Variants in CCDC187 observed in about 807,000 individuals in gnomAD.
CCDC187 encodes the protein coiled-coil domain containing 187, also known as coiled-coil domain-containing protein 187.
A neutral mutation model predicts 38.0 loss-of-function variants in CCDC187; 32 were observed. That is an observed-to-expected ratio of 0.84 (90% CI 0.64 to 1.13). The LOEUF (loss-of-function observed/expected upper bound fraction) is 1.13. CCDC187 is among the 50% of genes most tolerant of loss of function. The pLI is 0.00. For missense variants in CCDC187, 707 were observed against 786.8 expected, an observed-to-expected ratio of 0.90 and a Z score of 1.21; for synonymous variants, 333 against 347.9, an observed-to-expected ratio of 0.96 and a Z score of 0.48.
chr9:136,274,321 C>G (rs1830890584), intron 14 of CCDC187, among the ~76,000 whole-genome samples: 1 of 152,246 alleles, frequency 6.6e-6, no homozygotes, highest in Non-Finnish European at 1.5e-5. Context: ...TCGTGTCAGG[C>G]TGGTCCCCCA....
At chr9:136,303,592 C>T (rs1751639502) in intron 1 of CCDC187, 96 bp downstream of exon 1, 1 of 157,656 alleles carries the variant, frequency 6.3e-6, no homozygotes. Flanking sequence ...ACTCTGACCC[C>T]ACGCCCTTGT....
chr9:136,265,968 C>T lies in CCDC187; in HGVS notation c.3723G>A (p.Leu1241=). 1 of 985,524 alleles carries T rather than the reference C, an allele frequency of 1.0e-6. No individual in the cohort carries two copies. The highest frequency in any genetic ancestry group is 1.2e-6 in the Non-Finnish European group (1 of 829,976). 61.0% of individuals were successfully genotyped at this position (985,524 alleles called of 1,614,324 possible). A position where few individuals can be genotyped will look rare whatever the true frequency, so the allele number is the denominator to read the frequency against. Residue 1241 remains leucine (L), a synonymous_variant, in exon 17 of 26, where the codon TTG becomes TTA. Transcript: ENST00000638797. The stretch of plus-strand genomic sequence containing the variant: ...GTGCTGGCCCCACCTGCTCCTTCTC[C>T]AATCTGCTGAGGGCTTGCTGCTGCT... ...VEKQQQALSR[L]EKEQREIQYL...
intron 9 of CCDC187, among the ~76,000 whole-genome samples, chr9:136,284,609 CA>C (rs1434078309): frequency 6.6e-6 from 1 of 151,990 alleles, no homozygotes; most frequent in Non-Finnish European, 1.5e-5. Context: ...CCGCGGGGAC[CA>C]GGAGGGCACT....
In CCDC187 at chr9:136,298,898, C is replaced by T. The variant is rs972691719; in HGVS notation, c.725-1077G>A. ...TGCACAGTGCTATGAATGTGCTCAGCGCCACTGAACTGGGCACTTTAAAAA... is the reference window on the plus strand; with the variant it reads ...TGCACAGTGCTATGAATGTGCTCAGTGCCACTGAACTGGGCACTTTAAAAA... On this transcript the variant is annotated intron_variant, in intron 3 of 25. Transcript: ENST00000638797. Among the ~76,000 whole-genome samples, 46 of 152,324 alleles carry T rather than the reference C, an allele frequency of 3.0e-4. No homozygotes were observed. The East Asian group carries it at 8.1e-3, about 27-fold the overall frequency.
intron 19 of CCDC187, among the ~76,000 whole-genome samples, chr9:136,260,779 G>A (rs1191249461): frequency 6.6e-6 from 1 of 152,216 alleles, no homozygotes; most frequent in Non-Finnish European, 1.5e-5. Context: ...GGTCCAGGGT[G>A]AGCAGGAGGT....
chr9:136,292,059 TCTTC>T (rs1831344934), intron 5 of CCDC187, 98 bp downstream of exon 5: 2 of 398,000 alleles, frequency 5.0e-6, no homozygotes, highest in Non-Finnish European at 8.8e-6. Context: ...CGCCAACACC[TCTTC>T]CTTCCAGGCG....
At chr9:136,278,901 C>T (rs1244027525) in intron 10 of CCDC187, among the ~76,000 whole-genome samples, 1 of 152,290 alleles carries the variant, frequency 6.6e-6, no homozygotes, top group Non-Finnish European at 1.5e-5. Context: ...TTGTACAACT[C>T]AGAATCCGGA....
rs868978398 is a variant in CCDC187, at chr9:136,257,385, A to G, written c.4367-544T>C. Among the ~76,000 whole-genome samples the G allele has an allele frequency of 7.3e-6, 1 of 136,396 alleles. No individual in the cohort carries two copies. Among genetic ancestry groups the G allele is most frequent in the African/African-American group, 2.7e-5 (1 of 37,232 alleles). 89.5% of individuals were successfully genotyped at this position (136,396 alleles called of 152,430 possible). A position where few individuals can be genotyped will look rare whatever the true frequency, so the allele number is the denominator to read the frequency against. On this transcript the variant is annotated intron_variant, in intron 22 of 25. Coordinates refer to ENST00000638797, the MANE Select transcript of CCDC187 (RefSeq NM_001378188.1). The surrounding 1 kb of genome is among the most constrained non-coding windows in gnomAD (Gnocchi z 4.5). ...GACTTTGTCTCAAAATTATAATAAT[A>G]ATAATAATAATAATAATAATAATTT... is the stretch of plus-strand genomic sequence containing the variant.
At position 136,297,762 on chromosome 9, in the gene CCDC187, T is replaced by C. The variant is rs1737486103; in HGVS notation, c.784A>G (p.Lys262Glu). The change falls in exon 4 of 26, where the codon AAG (lysine) becomes GAG (glutamate). Residue 262 changes from lysine to glutamate, a missense_variant. Physicochemically the swap from Lys to Glu is moderately conservative, Grantham distance 56. Coordinates refer to ENST00000638797, the MANE Select transcript of CCDC187 (RefSeq NM_001378188.1). ...SSSCKREKTP[K>E]LPSPRRAAKD... ...GCCGCTCTTCTAGGGGAGGGCAACT[T>C]GGGGGTCTTCTCTCTTTTGCAAGAA... 2 of 376,522 alleles carry C rather than the reference T, an allele frequency of 5.3e-6. No individual in the cohort carries two copies. The highest frequency in any genetic ancestry group is 9.4e-6 in the Non-Finnish European group (2 of 212,694). 23.3% of individuals were successfully genotyped at this position (376,522 alleles called of 1,614,324 possible).
intron 2 of CCDC187, among the ~76,000 whole-genome samples, chr9:136,302,034 AC>A (rs1831698028): frequency 6.6e-6 from 1 of 150,526 alleles, no homozygotes; most frequent in African/African-American, 2.4e-5. Context: ...ACATGGTGAA[AC>A]CCCGTCTCTA....
In CCDC187 at chr9:136,299,665, C is replaced by A. The variant is rs1222315240; in HGVS notation, c.724+555G>T. Among the ~76,000 whole-genome samples the A allele has an allele frequency of 4.6e-5, 7 of 152,320 alleles. No individual in the cohort carries two copies. In the South Asian group the frequency reaches 1.5e-3, roughly 32 times the overall value. ...CTCCAGCCCCCAGAAGCAGCTCCTG[C>A]CCCCTCCATCCTACCCCTTCCATTT... On this transcript the variant is annotated intron_variant, in intron 3 of 25. Transcript: ENST00000638797.
At position 136,258,258 on chromosome 9, in the gene CCDC187, C is replaced by T. The variant is rs1025193826; in HGVS notation, c.4366+674G>A. Reference sequence around the variant, plus strand: ...TGCTTCTGATCTCTTTCCGTCTCAACCCATCTGTCCTGAGGTTTGCTCTCC... The same window carrying T: ...TGCTTCTGATCTCTTTCCGTCTCAATCCATCTGTCCTGAGGTTTGCTCTCC... On this transcript the variant is annotated intron_variant, in intron 22 of 25. Coordinates refer to ENST00000638797, the MANE Select transcript of CCDC187 (RefSeq NM_001378188.1). The surrounding 1 kb of genome is among the most constrained non-coding windows in gnomAD (Gnocchi z 4.3). Among the ~76,000 whole-genome samples the T allele has an allele frequency of 6.6e-6, 1 of 152,208 alleles. No homozygotes were observed. Among genetic ancestry groups the T allele is most frequent in the Non-Finnish European group, 1.5e-5 (1 of 68,024 alleles).
Position 136,256,321 on chromosome 9 carries a change from C to G in CCDC187, c.4506G>C (p.Gln1502His). 4 of 985,266 alleles carry G rather than the reference C, an allele frequency of 4.1e-6. No homozygotes were observed. The highest frequency in any genetic ancestry group is 4.8e-6 in the Non-Finnish European group (4 of 829,728). The allele number at this position is 985,266 out of a possible 1,614,324, so 61.0% of individuals were successfully genotyped here. A position where few individuals can be genotyped will look rare whatever the true frequency, so the allele number is the denominator to read the frequency against. ...CTTCGCTCATGCTGTCCTCAGCCAC[C>G]TGCTGGAGAGACGTTGCAGAAATGA... is the stretch of plus-strand genomic sequence containing the variant. Reference protein sequence around the residue: ...EGPCGPQEASQVAEDSMSEEG... With the variant: ...EGPCGPQEASHVAEDSMSEEG... Residue 1502 changes from glutamine (Q) to histidine (H), a missense_variant and splice_region_variant, in exon 24 of 26, where the codon CAG (glutamine) becomes CAC (histidine). Gln to His is a conservative substitution (Grantham distance 24). Coordinates refer to ENST00000638797, the MANE Select transcript of CCDC187 (RefSeq NM_001378188.1).
intron 8 of CCDC187, 148 bp from the exon 9 acceptor site, chr9:136,285,754 T>C (rs1831163998): frequency 2.5e-6 from 1 of 397,122 alleles, no homozygotes; most frequent in Admixed American, 4.4e-5. Context: ...GCCTCTCTGC[T>C]GGAGGAAGGG....
At position 136,264,011 on chromosome 9, in the gene CCDC187, G is replaced by A. The variant is rs138420680; in HGVS notation, c.3736-213C>T. On this transcript the variant is annotated intron_variant, in intron 17 of 25. Transcript: ENST00000638797. The surrounding 1 kb of genome is among the most constrained non-coding windows in gnomAD (Gnocchi z 4.3). ...TGGGCTTGGTGGAGGAGGCAGCTGC[G>A]GGCGGCAGGAGGGAGGCAGGTACTC... is the stretch of plus-strand genomic sequence containing the variant. 103 of 169,514 alleles carry A rather than the reference G, an allele frequency of 6.1e-4. No individual in the cohort carries two copies. Among genetic ancestry groups the A allele is most frequent in the Middle Eastern group, 3.0e-3 (1 of 334 alleles). The allele number at this position is 169,514 out of a possible 1,614,324, so 10.5% of individuals were successfully genotyped here.
chr9:136,292,914 C>T (rs980848527), intron 4 of CCDC187, among the ~76,000 whole-genome samples: 7 of 152,352 alleles, frequency 4.6e-5, no homozygotes, highest in East Asian at 3.9e-4. Flanking sequence ...CGAGTACAAA[C>T]GAGCCTTCGC....
Position 136,264,800 on chromosome 9 carries a change from G to T in CCDC187, c.3736-1002C>A. Among the ~76,000 whole-genome samples, 1 of 151,930 alleles carries T rather than the reference G, an allele frequency of 6.6e-6. No individual in the cohort carries two copies. The highest frequency in any genetic ancestry group is 1.9e-4 in the East Asian group (1 of 5,182). The stretch of plus-strand genomic sequence containing the variant: ...AAACAAGGTCTCACTCTGTTGCCCA[G>T]GCTGGAGTGCAGTGGTGCAAGCTCA... On this transcript the variant is annotated intron_variant, in intron 17 of 25. Coordinates refer to ENST00000638797, the MANE Select transcript of CCDC187 (RefSeq NM_001378188.1). The surrounding 1 kb of genome is among the most constrained non-coding windows in gnomAD (Gnocchi z 4.3).
chr9:136,272,292 T>C (rs886677073), intron 14 of CCDC187, among the ~76,000 whole-genome samples: 42 of 152,240 alleles, frequency 2.8e-4, no homozygotes, highest in African/African-American at 9.9e-4. Flanking sequence ...ACATATATTA[T>C]TTAAAACTTT....
chr9:136,294,196 G>T lies in CCDC187; in HGVS notation c.833-1901C>A, dbSNP rs1258821459. On this transcript the variant is annotated intron_variant, in intron 4 of 25. Coordinates refer to ENST00000638797, the MANE Select transcript of CCDC187 (RefSeq NM_001378188.1). Reference sequence around the variant, plus strand: ...CGCTCATATACACACGCCCTCACATGTGCTCTCACACACACTCACACGCTC... The same window carrying T: ...CGCTCATATACACACGCCCTCACATTTGCTCTCACACACACTCACACGCTC... Among the ~76,000 whole-genome samples, 15 of 136,024 alleles carry T rather than the reference G, an allele frequency of 1.1e-4. No individual in the cohort carries two copies. The South Asian group carries it at 3.4e-3, about 31-fold the overall frequency. The allele number at this position is 136,024 out of a possible 152,430, so 89.2% of individuals were successfully genotyped here.
Sources: gnomAD v4.1 joint callset for allele counts (sites outside exome capture counted in the v4.1 genomes callset) on GRCh38, gnomAD v4.1.1 for gene constraint, Gnocchi (gnomAD v3.1) non-coding constraint, MANE v1.5 for transcripts, NCBI Gene and HGNC (gene_info 2026-07-23, HGNC 2026-07-21) for gene names.